Variants in MCHR2 observed in about 807,000 individuals in gnomAD.
MCHR2 encodes the protein melanin-concentrating hormone receptor 2.
Under a neutral mutation model 24.8 loss-of-function variants are expected in MCHR2, and 15 were observed. The ratio of observed to expected loss-of-function variants is 0.60; its 90% CI spans 0.40 to 0.93. MCHR2 has a LOEUF of 0.93. MCHR2 is among the 40% of genes least tolerant of loss of function. The probability of loss-of-function intolerance (pLI) is 0.00; values close to 1 mark genes in which losing one functional copy is unlikely to be tolerated. For synonymous variants in MCHR2, 151 were observed against 147.6 expected (o/e 1.02, Z -0.17); for missense variants, 386 against 408.7 (o/e 0.94, Z 0.48).
chr6:99,945,837 T>C (rs1410352134), intron 3 of MCHR2, among the ~76,000 whole-genome samples: 1 of 152,070 alleles, frequency 6.6e-6, no homozygotes, highest in Non-Finnish European at 1.5e-5. Context: ...ACTATGTCCA[T>C]TGGATTAAAA....
intron 5 of MCHR2, among the ~76,000 whole-genome samples, chr6:99,928,071 C>T (rs1159280824): frequency 6.6e-6 from 1 of 152,134 alleles, no homozygotes; most frequent in South Asian, 2.1e-4. Flanking sequence ...TGTCAAAGGC[C>T]TTTTCTGCAT....
In MCHR2 at chr6:99,953,038, A is replaced by G. The variant is rs72938063; in HGVS notation, c.182+2928T>C. Among the ~76,000 whole-genome samples, 20 of 152,236 alleles carry G rather than the reference A, an allele frequency of 1.3e-4. No individual in the cohort carries two copies. The South Asian group carries it at 2.9e-3, about 22-fold the overall frequency. Reference sequence around the variant, plus strand: ...AAATGACGGTTGACTTTATGTTGAAAATCTGTTTCCATAAGTTACAGCTCA... The same window carrying G: ...AAATGACGGTTGACTTTATGTTGAAGATCTGTTTCCATAAGTTACAGCTCA... On this transcript the variant is annotated intron_variant, in intron 2 of 5. Coordinates refer to ENST00000281806, the MANE Select transcript of MCHR2 (RefSeq NM_001040179.2).
intron 5 of MCHR2, among the ~76,000 whole-genome samples, chr6:99,925,956 G>A (rs1041181278): frequency 2.6e-5 from 4 of 151,782 alleles, no homozygotes; most frequent in Admixed American, 6.6e-5. Flanking sequence ...TTAGCATTAG[G>A]TATATCTCCT....
rs577483517 is a variant in MCHR2, at chr6:99,930,840, C to T, written c.707+3558G>A. Among the ~76,000 whole-genome samples, 507 of 152,340 alleles carry T rather than the reference C, an allele frequency of 3.3e-3. 6 individuals are homozygous for T. The highest frequency in any genetic ancestry group is 0.012 in the African/African-American group (483 of 41,574). The stretch of plus-strand genomic sequence containing the variant: ...CATCTGAAGACTTCTTCTCTCAACT[C>T]GTCAAAGTCATTCTCCATCCAGCTT... On this transcript the variant is annotated intron_variant, in intron 5 of 5. Transcript: ENST00000281806.
chr6:99,988,659 G>C (rs769864323), intron 1 of MCHR2, among the ~76,000 whole-genome samples: 2 of 151,740 alleles, frequency 1.3e-5, no homozygotes, highest in Non-Finnish European at 2.9e-5. Context: ...AAGGAAAAAC[G>C]AGATAATCAA....
At position 99,956,175 on chromosome 6, in the gene MCHR2, C is replaced by G. The variant is rs1775057227; in HGVS notation, c.-27-1G>C. 4 of 1,575,018 alleles carry G rather than the reference C, an allele frequency of 2.5e-6. No homozygotes were observed. Among genetic ancestry groups the G allele is most frequent in the Non-Finnish European group, 3.5e-6 (4 of 1,155,642 alleles). On this transcript the variant is annotated splice_acceptor_variant, in intron 1 of 5. Coordinates refer to ENST00000281806, the MANE Select transcript of MCHR2 (RefSeq NM_001040179.2). LOFTEE classifies it low-confidence loss of function (5UTR_SPLICE). ...TTCGTGGACTTTCCAGGGATTAAAG[C>G]TGTGAAGTAATAGGAAGTGATTTAT...
rs144717641 is a variant in MCHR2 at position 99,976,805 on chromosome 6, G to A, written c.-28+17131C>T. On this transcript the variant is annotated intron_variant, in intron 1 of 5. Transcript: ENST00000281806. ...CCTAAGCCTTGCTAAGGTAAGGCCT[G>A]CTGACTAGGAACCAGGGCCTACTGC... Among the ~76,000 whole-genome samples the A allele has an allele frequency of 1.1e-3, 163 of 152,332 alleles. 1 individual carries two copies. Among genetic ancestry groups the A allele is most frequent in the African/African-American group, 3.8e-3 (159 of 41,578 alleles).
intron 5 of MCHR2, 116 bp from the exon 6 acceptor site, chr6:99,921,371 C>G (rs1019686294): frequency 1.2e-6 from 1 of 846,108 alleles, no homozygotes; most frequent in Admixed American, 2.6e-5. Context: ...ATATGAAGCT[C>G]ATTATTATAT....
intron 2 of MCHR2, among the ~76,000 whole-genome samples, chr6:99,955,063 C>A (rs2114539840): frequency 6.6e-6 from 1 of 152,116 alleles, no homozygotes; most frequent in African/African-American, 2.4e-5. Flanking sequence ...TCTAGAATAT[C>A]TTTTATAACA....
chr6:99,970,603 T>C (rs1427646236), intron 1 of MCHR2, among the ~76,000 whole-genome samples: 1 of 152,226 alleles, frequency 6.6e-6, no homozygotes, highest in Admixed American at 6.5e-5. Context: ...TTGTTGCCTT[T>C]GTTTTTGGTG....
chr6:99,928,026 A>G (rs1774409669), intron 5 of MCHR2, among the ~76,000 whole-genome samples: 1 of 152,150 alleles, frequency 6.6e-6, no homozygotes, highest in South Asian at 2.1e-4. Flanking sequence ...TACCTAATTT[A>G]TTGAGAGTTT....
intron 1 of MCHR2, among the ~76,000 whole-genome samples, chr6:99,991,144 T>C (rs1775865730): frequency 6.6e-6 from 1 of 151,204 alleles, no homozygotes; most frequent in Admixed American, 6.6e-5. Context: ...GGCATGGAGA[T>C]AAAGAGTGGG....
chr6:99,922,612 T>A (rs1774262369), intron 5 of MCHR2, among the ~76,000 whole-genome samples: 1 of 152,218 alleles, frequency 6.6e-6, no homozygotes, highest in Non-Finnish European at 1.5e-5. Flanking sequence ...CATATGGACA[T>A]CCAATTTTAC....
chr6:99,967,459 C>T (rs1775315183), intron 1 of MCHR2, among the ~76,000 whole-genome samples: 1 of 152,104 alleles, frequency 6.6e-6, no homozygotes. Context: ...AGCTTACTTA[C>T]ATGGCAGTGA....
At chr6:99,953,010 G>GT (rs1774994166) in intron 2 of MCHR2, among the ~76,000 whole-genome samples, 1 of 152,114 alleles carries the variant, frequency 6.6e-6, no homozygotes, top group African/African-American at 2.4e-5. Flanking sequence ...TTTCTCCTCA[G>GT]TTAAATGACG....
chr6:99,969,603 T>A (rs1012950611), intron 1 of MCHR2, among the ~76,000 whole-genome samples: 10 of 152,010 alleles, frequency 6.6e-5, no homozygotes, highest in Admixed American at 2.0e-4. Flanking sequence ...GTTTTAGGGT[T>A]CATGTGCACA....
At chr6:99,962,709 T>C (rs895741350) in intron 1 of MCHR2, among the ~76,000 whole-genome samples, 2 of 151,916 alleles carry the variant, frequency 1.3e-5, no homozygotes, top group African/African-American at 4.8e-5. Context: ...GGATATGATA[T>C]CAAAAACACA....
At chr6:99,948,036 C>A in intron 2 of MCHR2, 65 bp from the exon 3 acceptor site, 1 of 1,374,342 alleles carries the variant, frequency 7.3e-7, no homozygotes, top group Non-Finnish European at 1.0e-6. Context: ...ATATATGCTA[C>A]CTCATACAAA....
Position 99,920,036 on chromosome 6 carries a change from C to T in MCHR2, c.*904G>A, listed in dbSNP as rs201034310. On this transcript the variant is annotated 3_prime_UTR_variant, in exon 6 of 6. Coordinates refer to ENST00000281806, the MANE Select transcript of MCHR2 (RefSeq NM_001040179.2). ...CCACTGCACCCGGCCAGGAATGTTT[C>T]CTAATTATGCTTAAAGTCCAGAAGT... 6.6e-6 allele frequency: 1 copy of T among 152,120 alleles called. No individual in the cohort carries two copies. Among genetic ancestry groups the T allele is most frequent in the Non-Finnish European group, 1.5e-5 (1 of 68,022 alleles). The allele number at this position is 152,120 out of a possible 1,614,324, so 9.4% of individuals were successfully genotyped here.
Sources: gnomAD v4.1 joint callset for allele counts (sites outside exome capture counted in the v4.1 genomes callset) on GRCh38, gnomAD v4.1.1 for gene constraint, MANE v1.5 for transcripts, NCBI Gene and HGNC (gene_info 2026-07-23, HGNC 2026-07-21) for gene names.